SLC24A2: variants seen among roughly 807,000 people sequenced by gnomAD.
The protein encoded by SLC24A2 is sodium/potassium/calcium exchanger 2.
In SLC24A2, 36 loss-of-function variants were observed where a neutral mutation model predicts 62.0. The observed-to-expected ratio is 0.58, with a 90% CI of 0.44 to 0.77. The LOEUF (loss-of-function observed/expected upper bound fraction) is 0.77, where lower values mean the gene tolerates loss of function less well. Ranked by LOEUF, SLC24A2 falls within the 30% of genes least tolerant of loss-of-function variation. The probability of loss-of-function intolerance (pLI) is 0.00; values close to 1 mark genes in which losing one functional copy is unlikely to be tolerated. For synonymous variants in SLC24A2, 358 were observed against 294.0 expected (o/e 1.22, Z -2.23); for missense variants, 846 against 817.9 (o/e 1.03, Z -0.42).
the SLC24A2 span, among the ~76,000 whole-genome samples, chr9:20,242,066 T>A: frequency 6.6e-6 from 1 of 152,204 alleles, no homozygotes; most frequent in Non-Finnish European, 1.5e-5. Flanking sequence ...GCCCATCCTA[T>A]GGACTAACGC....
chr9:20,280,184 C>A, the SLC24A2 span, among the ~76,000 whole-genome samples: 1 of 152,162 alleles, frequency 6.6e-6, no homozygotes, highest in Admixed American at 6.5e-5. Flanking sequence ...CTGAATGGGG[C>A]TCCGAAGAAA....
intron 2 of SLC24A2, among the ~76,000 whole-genome samples, chr9:19,765,345 C>G (rs1224554514): frequency 2.6e-5 from 4 of 152,116 alleles, no homozygotes; most frequent in Non-Finnish European, 5.9e-5. Flanking sequence ...CATTATGATG[C>G]TAACTGGTTA....
the SLC24A2 span, among the ~76,000 whole-genome samples, chr9:19,889,655 T>C: frequency 1.3e-5 from 2 of 152,178 alleles, no homozygotes; most frequent in Non-Finnish European, 2.9e-5. Flanking sequence ...TATCCCTTCT[T>C]GTTTCTATCT....
intron 2 of SLC24A2, among the ~76,000 whole-genome samples, chr9:19,719,842 T>C (rs1053425165): frequency 2.6e-5 from 4 of 152,224 alleles, no homozygotes; most frequent in Non-Finnish European, 5.9e-5. Flanking sequence ...CATAATAGAA[T>C]TGATCACACC....
chr9:20,139,260 G>A, the SLC24A2 span, among the ~76,000 whole-genome samples: 9 of 152,316 alleles, frequency 5.9e-5, no homozygotes, highest in East Asian at 1.7e-3. Flanking sequence ...GAGGCCGACT[G>A]CCTGTATTAA....
At chr9:19,975,919 T>G in the SLC24A2 span, among the ~76,000 whole-genome samples, 1 of 152,070 alleles carries the variant, frequency 6.6e-6, no homozygotes, top group South Asian at 2.1e-4. Context: ...TTTGTTTGTT[T>G]TTTTGAGACA....
At chr9:19,677,428 C>G (rs181184260) in intron 2 of SLC24A2, among the ~76,000 whole-genome samples, 1 of 152,248 alleles carries the variant, frequency 6.6e-6, no homozygotes, top group East Asian at 1.9e-4. Flanking sequence ...TGGGGTCTAT[C>G]AGACGGTGGA....
At chr9:20,249,086 G>C in the SLC24A2 span, among the ~76,000 whole-genome samples, 1 of 152,160 alleles carries the variant, frequency 6.6e-6, no homozygotes, top group African/African-American at 2.4e-5. Flanking sequence ...GCCTGCCTAT[G>C]AGTCACACAA....
the SLC24A2 span, among the ~76,000 whole-genome samples, chr9:20,289,481 C>G: frequency 4.6e-5 from 7 of 152,160 alleles, no homozygotes; most frequent in African/African-American, 1.7e-4. Context: ...GGCTCTTCCC[C>G]GTTTCTTGCT....
intron 2 of SLC24A2, among the ~76,000 whole-genome samples, chr9:19,707,320 C>T (rs935355173): frequency 1.3e-5 from 2 of 152,136 alleles, no homozygotes; most frequent in Non-Finnish European, 2.9e-5. Context: ...CGAATTCTAC[C>T]AGAGGTACAA....
the SLC24A2 span, among the ~76,000 whole-genome samples, chr9:20,183,848 T>C: frequency 2.5e-5 from 3 of 119,642 alleles, no homozygotes; most frequent in African/African-American, 9.4e-5. Flanking sequence ...GATCAATGGT[T>C]TTCAAAATGC....
At chr9:19,919,560 G>GA in the SLC24A2 span, among the ~76,000 whole-genome samples, 47 of 152,000 alleles carry the variant, frequency 3.1e-4, no homozygotes, top group Admixed American at 5.9e-4. Context: ...ACAGTTTGTG[G>GA]AAAAAACCTC....
chr9:20,036,502 C>G, the SLC24A2 span, among the ~76,000 whole-genome samples: 1 of 152,174 alleles, frequency 6.6e-6, no homozygotes, highest in Non-Finnish European at 1.5e-5. Flanking sequence ...CCCCCACTAC[C>G]CAGTCTTCGG....
chr9:19,599,613 T>A lies in SLC24A2; in HGVS notation c.1079-2334A>T, dbSNP rs1836791861. 6.6e-6 allele frequency among the ~76,000 whole-genome samples: 1 copy of A among 152,098 alleles called. No homozygotes were observed. The highest frequency in any genetic ancestry group is 2.4e-5 in the African/African-American group (1 of 41,404). ...TGAGATGGTGAACTCAGCAGCAGCA[T>A]CCTAAGGAGGATTGGGCAGCATCTC... On this transcript the variant is annotated intron_variant, in intron 4 of 10. Coordinates refer to ENST00000341998, the MANE Select transcript of SLC24A2 (RefSeq NM_020344.4). The surrounding 1 kb of genome is among the most constrained non-coding windows in gnomAD (Gnocchi z 4.5).
chr9:20,285,237 C>A, the SLC24A2 span, among the ~76,000 whole-genome samples: 5 of 152,120 alleles, frequency 3.3e-5, no homozygotes, highest in Non-Finnish European at 7.4e-5. Flanking sequence ...GGAAATAGGG[C>A]CTTATATTAG....
chr9:19,824,367 ACAAACAATTCT>A, the SLC24A2 span, among the ~76,000 whole-genome samples: 1 of 152,252 alleles, frequency 6.6e-6, no homozygotes, highest in East Asian at 1.9e-4. Flanking sequence ...AAGGATATGA[ACAAACAATTCT>A]CAAAAGAAGA....
chr9:19,922,695 G>T, the SLC24A2 span, among the ~76,000 whole-genome samples: 1 of 152,062 alleles, frequency 6.6e-6, no homozygotes, highest in Non-Finnish European at 1.5e-5. Context: ...TAGAGCAATG[G>T]GGCCACCTAG....
the SLC24A2 span, among the ~76,000 whole-genome samples, chr9:20,064,909 A>G: frequency 6.6e-6 from 1 of 152,142 alleles, no homozygotes. Flanking sequence ...CCTGCCAGTC[A>G]CCCTGGGGCA....
the SLC24A2 span, among the ~76,000 whole-genome samples, chr9:19,964,591 G>A: frequency 6.6e-6 from 1 of 152,176 alleles, no homozygotes; most frequent in South Asian, 2.1e-4. Flanking sequence ...AAGGTATGAT[G>A]GCTTTGCCAT....
Sources: allele counts gnomAD v4.1 joint callset (sites outside exome capture counted in the v4.1 genomes callset), GRCh38; gene constraint gnomAD v4.1.1; non-coding constraint Gnocchi (gnomAD v3.1); transcripts MANE v1.5; gene names NCBI Gene and HGNC (gene_info 2026-07-23, HGNC 2026-07-21).